HS6ST3: variants seen among roughly 807,000 people sequenced by gnomAD.
The protein encoded by HS6ST3 is heparan sulfate 6-O-sulfotransferase 3.
In HS6ST3, 12 loss-of-function variants were observed where a neutral mutation model predicts 36.7. That is an observed-to-expected ratio of 0.33 (90% CI 0.21 to 0.53). HS6ST3 has a LOEUF of 0.53. HS6ST3 is among the 20% of genes least tolerant of loss of function. The pLI is 0.95. For synonymous variants in HS6ST3, 240 were observed against 257.5 expected (o/e 0.93, Z 0.65); for missense variants, 584 against 640.9 (o/e 0.91, Z 0.96).
intron 1 of HS6ST3, among the ~76,000 whole-genome samples, chr13:96,354,532 G>T (rs1177602908): frequency 1.3e-5 from 2 of 151,764 alleles, no homozygotes; most frequent in Non-Finnish European, 2.9e-5. Context: ...TCTGTGATAG[G>T]GTTTGTTTTT....
chr13:96,264,966 C>G (rs977978011), intron 1 of HS6ST3, among the ~76,000 whole-genome samples: 4 of 152,080 alleles, frequency 2.6e-5, no homozygotes, highest in African/African-American at 7.2e-5. Context: ...GTATCAAATT[C>G]CCAACCCAAA....
In HS6ST3 at chr13:96,091,096, CCCCGAGGGACCTCGGGGGGCCG is replaced by C; in HGVS notation, c.236_257del (p.Pro79ArgfsTer46). 7.4e-7 allele frequency: 1 copy of C among 1,348,880 alleles called. No individual in the cohort carries two copies. 83.6% of individuals were successfully genotyped at this position (1,348,880 alleles called of 1,614,324 possible). On this transcript the variant is annotated frameshift_variant, in exon 1 of 2. Coordinates refer to ENST00000376705, the MANE Select transcript of HS6ST3 (RefSeq NM_153456.4). LOFTEE classifies it high-confidence loss of function. Reference sequence around the variant, plus strand: ...AGTTGCCCCCGCCGCCCCGGGGGCCCCCCGAGGGACCTCGGGGGGCCGCGGCGCCGGAGGAGGAGGACGAGGA... The same window carrying C: ...AGTTGCCCCCGCCGCCCCGGGGGCCCCGGCGCCGGAGGAGGAGGACGAGGA...
intron 1 of HS6ST3, among the ~76,000 whole-genome samples, chr13:96,649,931 A>G (rs142452992): frequency 6.6e-6 from 1 of 152,066 alleles, no homozygotes; most frequent in East Asian, 2.0e-4. Flanking sequence ...ACTCTGCAGT[A>G]GCTATGCTGG....
chr13:96,574,905 C>G (rs74582777), intron 1 of HS6ST3, among the ~76,000 whole-genome samples: 188 of 152,212 alleles, frequency 1.2e-3, no homozygotes, highest in Middle Eastern at 6.8e-3. Flanking sequence ...GGTGTATTCC[C>G]CTGGTAGTCT....
At chr13:96,575,299 A>G (rs1454384796) in intron 1 of HS6ST3, among the ~76,000 whole-genome samples, 1 of 152,232 alleles carries the variant, frequency 6.6e-6, no homozygotes, top group Non-Finnish European at 1.5e-5. Flanking sequence ...CACTGCACAC[A>G]GGTGTGAAAG....
chr13:96,617,570 G>A (rs1468787468), intron 1 of HS6ST3, among the ~76,000 whole-genome samples: 1 of 152,152 alleles, frequency 6.6e-6, no homozygotes, highest in African/African-American at 2.4e-5. Context: ...TGAAGGGTTA[G>A]AGTTTAGCTC....
intron 1 of HS6ST3, among the ~76,000 whole-genome samples, chr13:96,496,817 T>C (rs929392639): frequency 2.6e-5 from 4 of 152,170 alleles, no homozygotes; most frequent in Non-Finnish European, 5.9e-5. Flanking sequence ...TAGGGACTGA[T>C]ACCTGTGATA....
intron 1 of HS6ST3, among the ~76,000 whole-genome samples, chr13:96,514,500 C>G (rs778686840): frequency 6.6e-6 from 1 of 151,984 alleles, no homozygotes; most frequent in Non-Finnish European, 1.5e-5. Flanking sequence ...GCTTTTAGGA[C>G]GTAATTAAGG....
intron 1 of HS6ST3, among the ~76,000 whole-genome samples, chr13:96,211,318 G>A (rs1328637634): frequency 2.0e-5 from 3 of 152,144 alleles, no homozygotes; most frequent in Non-Finnish European, 4.4e-5. Context: ...CCTGACCACT[G>A]TTCATCTGGA....
intron 1 of HS6ST3, among the ~76,000 whole-genome samples, chr13:96,458,738 G>A (rs1467142352): frequency 1.3e-5 from 2 of 152,016 alleles, no homozygotes; most frequent in African/African-American, 2.4e-5. Context: ...AGGGAGCTGG[G>A]ACATTATTAA....
At chr13:96,590,747 A>G (rs1038968617) in intron 1 of HS6ST3, among the ~76,000 whole-genome samples, 3 of 152,040 alleles carry the variant, frequency 2.0e-5, no homozygotes, top group Non-Finnish European at 1.5e-5. Flanking sequence ...GTGGGGTATT[A>G]CTCAAGAAAT....
At chr13:96,307,754 A>G (rs2054920831) in intron 1 of HS6ST3, among the ~76,000 whole-genome samples, 1 of 151,962 alleles carries the variant, frequency 6.6e-6, no homozygotes, top group African/African-American at 2.4e-5. Flanking sequence ...TCATATACGT[A>G]TTTTCTTAAT....
chr13:96,150,961 C>A (rs2054082003), intron 1 of HS6ST3, among the ~76,000 whole-genome samples: 1 of 152,052 alleles, frequency 6.6e-6, no homozygotes, highest in Non-Finnish European at 1.5e-5. Context: ...ATGTGGATGG[C>A]AAATCTATTA....
At chr13:96,350,844 C>T (rs1293762987) in intron 1 of HS6ST3, among the ~76,000 whole-genome samples, 1 of 152,176 alleles carries the variant, frequency 6.6e-6, no homozygotes, top group Admixed American at 6.5e-5. Flanking sequence ...TACAGTGTAG[C>T]TTTCTTATTT....
chr13:96,179,271 A>G (rs769210465), intron 1 of HS6ST3, among the ~76,000 whole-genome samples: 1 of 152,240 alleles, frequency 6.6e-6, no homozygotes, highest in Non-Finnish European at 1.5e-5. Flanking sequence ...TACCACAGTA[A>G]TAGGACTGCA....
intron 1 of HS6ST3, among the ~76,000 whole-genome samples, chr13:96,724,051 A>T (rs1358024078): frequency 6.6e-6 from 1 of 150,964 alleles, no homozygotes; most frequent in African/African-American, 2.4e-5. Context: ...CCCTCTTGGG[A>T]TCATATTCTT....
intron 1 of HS6ST3, among the ~76,000 whole-genome samples, chr13:96,208,597 T>C (rs1196715721): frequency 6.6e-6 from 1 of 152,240 alleles, no homozygotes; most frequent in African/African-American, 2.4e-5. Flanking sequence ...CCAACTATTG[T>C]TAGAATTTGA....
chr13:96,142,397 A>G (rs1369455608), intron 1 of HS6ST3, among the ~76,000 whole-genome samples: 1 of 152,204 alleles, frequency 6.6e-6, no homozygotes, highest in African/African-American at 2.4e-5. Flanking sequence ...AGAACTAACA[A>G]TTAATTATCT....
At chr13:96,160,438 A>G (rs969352586) in intron 1 of HS6ST3, among the ~76,000 whole-genome samples, 1 of 152,212 alleles carries the variant, frequency 6.6e-6, no homozygotes, top group Non-Finnish European at 1.5e-5. Flanking sequence ...AGTTTTATTC[A>G]TTATGCTATA....
Sources: allele counts gnomAD v4.1 joint callset (sites outside exome capture counted in the v4.1 genomes callset), GRCh38; gene constraint gnomAD v4.1.1; transcripts MANE v1.5; gene names NCBI Gene and HGNC (gene_info 2026-07-23, HGNC 2026-07-21).